SETBP1: variants seen among roughly 807,000 people sequenced by gnomAD.
SETBP1 encodes the protein SET binding protein 1.
In SETBP1, 9 loss-of-function variants were observed where a neutral mutation model predicts 101.0. The ratio of observed to expected loss-of-function variants is 0.09; its 90% CI spans 0.05 to 0.16. SETBP1 has a LOEUF of 0.16. SETBP1 is among the 10% of genes least tolerant of loss of function. The probability of loss-of-function intolerance (pLI) is 1.00; values close to 1 mark genes in which losing one functional copy is unlikely to be tolerated. For synonymous variants in SETBP1, 818 were observed against 788.5 expected (o/e 1.04, Z -0.63); for missense variants, 1,858 against 2,033.8 (o/e 0.91, Z 1.66).
chr18:44,859,470 C>G (rs1328136752), intron 2 of SETBP1, among the ~76,000 whole-genome samples: 1 of 152,188 alleles, frequency 6.6e-6, no homozygotes, highest in Non-Finnish European at 1.5e-5. Flanking sequence ...AGACAGAGAA[C>G]TGGACTTTCC....
chr18:44,787,449 G>T (rs1290835949), intron 2 of SETBP1, among the ~76,000 whole-genome samples: 4 of 152,184 alleles, frequency 2.6e-5, no homozygotes, highest in African/African-American at 9.6e-5. Context: ...GGGAGCAGGC[G>T]CTCTTCATTT....
At chr18:44,779,888 A>G (rs950083144) in intron 2 of SETBP1, among the ~76,000 whole-genome samples, 13 of 151,868 alleles carry the variant, frequency 8.6e-5, no homozygotes, top group African/African-American at 3.1e-4. Flanking sequence ...TAATAGTCTA[A>G]TAAAGTTTAA....
intron 4 of SETBP1, among the ~76,000 whole-genome samples, chr18:44,963,334 C>T (rs2071651484): frequency 3.3e-5 from 5 of 152,168 alleles, no homozygotes; most frequent in African/African-American, 4.8e-5. Flanking sequence ...AAAGGGAGCT[C>T]TTTGGAACTG....
chr18:45,049,823 G>C (rs2073692380), intron 5 of SETBP1, among the ~76,000 whole-genome samples: 1 of 152,160 alleles, frequency 6.6e-6, no homozygotes, highest in African/African-American at 2.4e-5. Flanking sequence ...TAGGGGGTTG[G>C]AAAAGGCCTT....
intron 2 of SETBP1, among the ~76,000 whole-genome samples, chr18:44,780,950 A>G (rs1313196748): frequency 6.6e-6 from 1 of 152,176 alleles, no homozygotes; most frequent in South Asian, 2.1e-4. Flanking sequence ...GGCGGGGGAA[A>G]GAGTTCCAGA....
Position 45,065,139 on chromosome 18 carries a change from A to C in SETBP1, c.*1441A>C, listed in dbSNP as rs1487694466. 6.6e-6 allele frequency: 1 copy of C among 152,246 alleles called. No homozygotes were observed. The highest frequency in any genetic ancestry group is 1.5e-5 in the Non-Finnish European group (1 of 68,042). 9.4% of individuals were successfully genotyped at this position (152,246 alleles called of 1,614,324 possible). ...CAAGTTGTACTCTAGCCATTGGTTT[A>C]GCGTGGACAGATACTCCATCTCTAT... On this transcript the variant is annotated 3_prime_UTR_variant, in exon 6 of 6. Coordinates refer to ENST00000649279, the MANE Select transcript of SETBP1 (RefSeq NM_015559.3).
At chr18:44,713,428 T>G (rs2069389943) in intron 2 of SETBP1, among the ~76,000 whole-genome samples, 1 of 152,190 alleles carries the variant, frequency 6.6e-6, no homozygotes, top group African/African-American at 2.4e-5. Context: ...AGCCTAGATA[T>G]TTCCAGTTCC....
chr18:44,849,817 T>A (rs956411462), intron 2 of SETBP1, among the ~76,000 whole-genome samples: 5 of 152,124 alleles, frequency 3.3e-5, no homozygotes, highest in Admixed American at 2.0e-4. Context: ...CAAAAAGAAA[T>A]GTGAGGAATA....
At chr18:45,003,656 A>G (rs1009069195) in intron 4 of SETBP1, among the ~76,000 whole-genome samples, 2 of 151,092 alleles carry the variant, frequency 1.3e-5, no homozygotes, top group African/African-American at 4.9e-5. Context: ...CTCTTTCCAC[A>G]TTAGATGCTG....
intron 3 of SETBP1, among the ~76,000 whole-genome samples, chr18:44,888,923 G>A (rs1330991969): frequency 6.6e-6 from 1 of 152,062 alleles, no homozygotes; most frequent in African/African-American, 2.4e-5. Context: ...TCCCAAACAT[G>A]TAAAGTGTAG....
intron 2 of SETBP1, among the ~76,000 whole-genome samples, chr18:44,781,748 A>C (rs2071136071): frequency 6.6e-6 from 1 of 152,206 alleles, no homozygotes; most frequent in Non-Finnish European, 1.5e-5. Context: ...CAAAAAACTG[A>C]ACTAGGAACC....
At chr18:44,887,963 G>C (rs1219686136) in intron 3 of SETBP1, among the ~76,000 whole-genome samples, 1 of 152,098 alleles carries the variant, frequency 6.6e-6, no homozygotes, top group Non-Finnish European at 1.5e-5. Context: ...GAGAACACTG[G>C]GGAGCAAGAC....
At chr18:45,021,315 C>T (rs1182126868) in intron 4 of SETBP1, among the ~76,000 whole-genome samples, 1 of 152,136 alleles carries the variant, frequency 6.6e-6, no homozygotes, top group Non-Finnish European at 1.5e-5. Flanking sequence ...TATTAGGATG[C>T]CACGGTTTAA....
chr18:44,702,662 T>C (rs1010109516), intron 2 of SETBP1, among the ~76,000 whole-genome samples: 3 of 152,182 alleles, frequency 2.0e-5, no homozygotes, highest in Non-Finnish European at 1.5e-5. Context: ...ATTGTTAAAA[T>C]CTCCTTTTGA....
chr18:45,064,878 A>G lies in SETBP1; in HGVS notation c.*1180A>G, dbSNP rs1377902955. ...TATCCCTTGATAATTATTTCTTAAA[A>G]GCAAATGGGAGTAAGTGTTCTTATC... On this transcript the variant is annotated 3_prime_UTR_variant, in exon 6 of 6. Coordinates refer to ENST00000649279, the MANE Select transcript of SETBP1 (RefSeq NM_015559.3). 1 of 152,174 alleles carries G rather than the reference A, an allele frequency of 6.6e-6. No homozygotes were observed. The highest frequency in any genetic ancestry group is 1.5e-5 in the Non-Finnish European group (1 of 68,032). 9.4% of individuals were successfully genotyped at this position (152,174 alleles called of 1,614,324 possible). A position where few individuals can be genotyped will look rare whatever the true frequency, so the allele number is the denominator to read the frequency against.
chr18:44,886,943 G>T (rs1252423447), intron 3 of SETBP1, among the ~76,000 whole-genome samples: 2 of 152,112 alleles, frequency 1.3e-5, no homozygotes, highest in Admixed American at 1.3e-4. Flanking sequence ...CTTGCTTGCA[G>T]CAGTGTCTCA....
intron 3 of SETBP1, among the ~76,000 whole-genome samples, chr18:44,929,091 C>G (rs751665564): frequency 2.6e-5 from 4 of 151,984 alleles, no homozygotes; most frequent in East Asian, 1.9e-4. Flanking sequence ...TTAATCCATC[C>G]GTCTTGAATT....
chr18:44,816,426 A>G (rs1215507822), intron 2 of SETBP1, among the ~76,000 whole-genome samples: 2 of 152,182 alleles, frequency 1.3e-5, no homozygotes, highest in Non-Finnish European at 2.9e-5. Context: ...GAAGGGGTGC[A>G]GGAGGAGAAG....
At chr18:44,787,341 C>T (rs1163139652) in intron 2 of SETBP1, among the ~76,000 whole-genome samples, 1 of 152,140 alleles carries the variant, frequency 6.6e-6, no homozygotes, top group African/African-American at 2.4e-5. Context: ...GAACTGCTTT[C>T]CTTCTCAGAA....
Sources: gnomAD v4.1 joint callset for allele counts (sites outside exome capture counted in the v4.1 genomes callset) on GRCh38, gnomAD v4.1.1 for gene constraint, MANE v1.5 for transcripts, NCBI Gene and HGNC (gene_info 2026-07-23, HGNC 2026-07-21) for gene names.